Variants in FBXO4 observed in about 807,000 individuals in gnomAD.
FBXO4 encodes the protein F-box protein 4.
Under a neutral mutation model 43.7 loss-of-function variants are expected in FBXO4, and 36 were observed. The observed-to-expected ratio is 0.82, with a 90% confidence interval of 0.63 to 1.09. The LOEUF (loss-of-function observed/expected upper bound fraction) is 1.09, where lower values mean the gene tolerates loss of function less well. Among genes scored for constraint, FBXO4 ranks in the 50% least tolerant of loss-of-function variants. FBXO4 has a pLI of 0.00. For synonymous variants in FBXO4, 180 were observed against 165.6 expected (o/e 1.09, Z -0.67); for missense variants, 435 against 474.1 (o/e 0.92, Z 0.77).
chr5:41,974,397 C>G, the FBXO4 span, among the ~76,000 whole-genome samples: 1 of 151,896 alleles, frequency 6.6e-6, no homozygotes, highest in Non-Finnish European at 1.5e-5. Context: ...ATGCTCTCTT[C>G]TTGTTTTTTG....
At chr5:41,933,273 T>C (rs1476392030) in intron 3 of FBXO4, among the ~76,000 whole-genome samples, 1 of 152,182 alleles carries the variant, frequency 6.6e-6, no homozygotes, top group East Asian at 1.9e-4. Flanking sequence ...TGGAGTACAG[T>C]GGCATGATCA....
chr5:42,029,655 A>G, the FBXO4 span, among the ~76,000 whole-genome samples: 1 of 149,876 alleles, frequency 6.7e-6, no homozygotes, highest in Admixed American at 6.7e-5. Flanking sequence ...TTTTTCTTTT[A>G]TCTCCTCTCA....
chr5:41,976,392 C>G, the FBXO4 span, among the ~76,000 whole-genome samples: 5 of 152,124 alleles, frequency 3.3e-5, no homozygotes, highest in East Asian at 7.7e-4. Context: ...CACTGATGAA[C>G]CTATAAAATC....
chr5:41,963,131 T>C, the FBXO4 span, among the ~76,000 whole-genome samples: 1 of 152,104 alleles, frequency 6.6e-6, no homozygotes, highest in African/African-American at 2.4e-5. Context: ...CAGAAGGTAA[T>C]ACCTGATAGT....
rs186391650 is a variant in FBXO4 at position 41,926,390 on chromosome 5, G to A, written c.190-623G>A. ...AGATCAAGACCATCCTGGCTAACAC[G>A]GTGAAACCCCGTCTCTACTAAAAAT... On this transcript the variant is annotated intron_variant, in intron 1 of 6. Coordinates refer to ENST00000281623, the MANE Select transcript of FBXO4 (RefSeq NM_012176.3). 4.1e-3 allele frequency among the ~76,000 whole-genome samples: 631 copies of A among 152,226 alleles called. 3 individuals are homozygous for A. Among genetic ancestry groups the A allele is most frequent in the African/African-American group, 0.015 (604 of 41,546 alleles).
chr5:42,025,195 C>A, the FBXO4 span, among the ~76,000 whole-genome samples: 1 of 151,870 alleles, frequency 6.6e-6, no homozygotes, highest in African/African-American at 2.4e-5. Flanking sequence ...GTTCCCTTTT[C>A]TTCACATCAT....
At chr5:42,008,507 G>A in the FBXO4 span, among the ~76,000 whole-genome samples, 1 of 152,028 alleles carries the variant, frequency 6.6e-6, no homozygotes, top group Admixed American at 6.6e-5. Flanking sequence ...ACTGACTATG[G>A]TCCTAACTGT....
At chr5:42,004,522 A>G in the FBXO4 span, among the ~76,000 whole-genome samples, 1 of 152,222 alleles carries the variant, frequency 6.6e-6, no homozygotes, top group South Asian at 2.1e-4. Flanking sequence ...TTAAATACAT[A>G]GGACCATAGA....
At chr5:42,029,890 C>T in the FBXO4 span, among the ~76,000 whole-genome samples, 2,026 of 152,006 alleles carry the variant, frequency 0.013, 50 homozygotes, top group African/African-American at 0.047. Flanking sequence ...TTTGGAGTTT[C>T]CTCAACACAG....
downstream of FBXO4, among the ~76,000 whole-genome samples, chr5:41,946,035 T>C (rs1355665158): frequency 6.6e-6 from 1 of 152,198 alleles, no homozygotes; most frequent in Non-Finnish European, 1.5e-5. Context: ...TGTGACCATC[T>C]CACCTCATAA....
chr5:42,030,372 A>C, the FBXO4 span, among the ~76,000 whole-genome samples: 368 of 152,206 alleles, frequency 2.4e-3, 1 homozygote, highest in African/African-American at 8.4e-3. Flanking sequence ...TTCCCTATTT[A>C]ATAAATGGTG....
chr5:41,941,293 G>C lies in FBXO4; in HGVS notation c.*12G>C. 2 of 1,609,536 alleles carry C rather than the reference G, an allele frequency of 1.2e-6. No homozygotes were observed. The highest frequency in any genetic ancestry group is 1.7e-6 in the Non-Finnish European group (2 of 1,176,080). ...AGCGTGCAAGATGATTCTCTTTTCA[G>C]ATCTTGGGAACTGAAACCATTTGAA... On this transcript the variant is annotated 3_prime_UTR_variant, in exon 7 of 7. Coordinates refer to ENST00000281623, the MANE Select transcript of FBXO4 (RefSeq NM_012176.3).
chr5:41,930,427 C>G (rs189306238), intron 3 of FBXO4, among the ~76,000 whole-genome samples: 28 of 152,232 alleles, frequency 1.8e-4, no homozygotes, highest in African/African-American at 6.3e-4. Flanking sequence ...GATAGGGATG[C>G]AGATTTAGAA....
the FBXO4 span, among the ~76,000 whole-genome samples, chr5:41,947,808 G>GTAATCATGGGAGGC: frequency 6.6e-6 from 1 of 152,142 alleles, no homozygotes; most frequent in Non-Finnish European, 1.5e-5. Context: ...TTTCTACAGT[G>GTAATCATGGGAGGC]TAATCATGGG....
the FBXO4 span, among the ~76,000 whole-genome samples, chr5:42,025,212 CATTTATT>C: frequency 6.6e-6 from 1 of 151,882 alleles, no homozygotes; most frequent in African/African-American, 2.4e-5. Context: ...TCATTACCAA[CATTTATT>C]ATTACCTGTC....
At chr5:42,035,316 C>G in the FBXO4 span, among the ~76,000 whole-genome samples, 1 of 152,020 alleles carries the variant, frequency 6.6e-6, no homozygotes, top group African/African-American at 2.4e-5. Flanking sequence ...CGCTTTATTT[C>G]TTTCTCTAGC....
the FBXO4 span, among the ~76,000 whole-genome samples, chr5:41,979,301 T>G: frequency 6.6e-6 from 1 of 152,214 alleles, no homozygotes; most frequent in South Asian, 2.1e-4. Flanking sequence ...TTGCTTCTCA[T>G]TATTAAAAGG....
At chr5:42,023,475 T>C in the FBXO4 span, among the ~76,000 whole-genome samples, 4 of 152,052 alleles carry the variant, frequency 2.6e-5, no homozygotes, top group African/African-American at 9.7e-5. Context: ...CTAAATACAA[T>C]AGGTATTCTA....
chr5:41,966,533 C>A, the FBXO4 span, among the ~76,000 whole-genome samples: 2 of 152,166 alleles, frequency 1.3e-5, no homozygotes, highest in Non-Finnish European at 2.9e-5. Context: ...AAGGAACAAT[C>A]CTTAACACTT....
Sources: gnomAD v4.1 joint callset for allele counts (sites outside exome capture counted in the v4.1 genomes callset) on GRCh38, gnomAD v4.1.1 for gene constraint, MANE v1.5 for transcripts, NCBI Gene and HGNC (gene_info 2026-07-23, HGNC 2026-07-21) for gene names.